Variants in BCAS3 observed in about 807,000 individuals in gnomAD.
BCAS3 encodes BCAS4/BCAS3 fusion.
In BCAS3, 53 loss-of-function variants were observed where a neutral mutation model predicts 116.1. The observed-to-expected ratio is 0.46, with a 90% CI of 0.37 to 0.57. The LOEUF (loss-of-function observed/expected upper bound fraction) is 0.57. Among genes scored for constraint, BCAS3 ranks in the 20% least tolerant of loss-of-function variants. The pLI, the probability that BCAS3 is intolerant of heterozygous loss-of-function variation, is 0.00. For synonymous variants in BCAS3, 391 were observed against 408.2 expected (o/e 0.96, Z 0.51); for missense variants, 917 against 1,165.4 (o/e 0.79, Z 3.10).
chr17:61,047,398 T>G (rs2068452671), intron 19 of BCAS3, among the ~76,000 whole-genome samples: 1 of 152,034 alleles, frequency 6.6e-6, no homozygotes, highest in East Asian at 1.9e-4. Context: ...ACAGATTAAT[T>G]TATATATGCC....
Position 61,034,888 on chromosome 17 carries a change from G to A in BCAS3, c.1762+98G>A. 1 of 1,198,816 alleles carries A rather than the reference G, an allele frequency of 8.3e-7. No homozygotes were observed. The highest frequency in any genetic ancestry group is 1.2e-6 in the Non-Finnish European group (1 of 862,132). 74.3% of individuals were successfully genotyped at this position (1,198,816 alleles called of 1,614,324 possible). On this transcript the variant is annotated intron_variant, in intron 17 of 23. Transcript: ENST00000407086. This position sits in a 1 kb window ranked among gnomAD's most constrained non-coding sequence, Gnocchi z 5.0. ...CCCTAGAATAATCTTGTACCCAGTA[G>A]TCTGGAAACCAATTTTTTTAATGTA...
At chr17:61,050,415 A>G (rs2068753590) in intron 19 of BCAS3, among the ~76,000 whole-genome samples, 1 of 152,016 alleles carries the variant, frequency 6.6e-6, no homozygotes, top group African/African-American at 2.4e-5. Flanking sequence ...ATGTGTGTAT[A>G]TATATGTGTG....
At chr17:60,958,967 T>C (rs1374684704) in intron 14 of BCAS3, among the ~76,000 whole-genome samples, 1 of 152,192 alleles carries the variant, frequency 6.6e-6, no homozygotes, top group African/African-American at 2.4e-5. Flanking sequence ...ACTATGAAGT[T>C]ATTAGAGCAC....
intron 5 of BCAS3, among the ~76,000 whole-genome samples, chr17:60,711,214 G>A (rs2037888036): frequency 1.3e-5 from 2 of 151,048 alleles, no homozygotes; most frequent in African/African-American, 4.9e-5. Context: ...GGTATGTCAT[G>A]AAATTAGAAG....
At chr17:61,040,697 G>A in intron 18 of BCAS3, 95 bp from the exon 19 acceptor site, 1 of 981,954 alleles carries the variant, frequency 1.0e-6, no homozygotes, top group Non-Finnish European at 1.6e-6. Context: ...AAAGTAGTGT[G>A]AGTTTAAGTC....
intron 13 of BCAS3, among the ~76,000 whole-genome samples, chr17:60,928,912 A>G (rs1014010738): frequency 6.6e-6 from 1 of 152,232 alleles, no homozygotes; most frequent in Non-Finnish European, 1.5e-5. Flanking sequence ...ATATACACAC[A>G]CATACATAGA....
At position 61,368,739 on chromosome 17, in the gene BCAS3, G is replaced by A. The variant is rs2058875675; in HGVS notation, c.2593+245G>A. 6.6e-6 allele frequency among the ~76,000 whole-genome samples: 1 copy of A among 152,214 alleles called. No individual in the cohort carries two copies. Among genetic ancestry groups the A allele is most frequent in the South Asian group, 2.1e-4 (1 of 4,832 alleles). On this transcript the variant is annotated intron_variant, in intron 23 of 23. Transcript: ENST00000407086. This position sits in a 1 kb window ranked among gnomAD's most constrained non-coding sequence, Gnocchi z 6.0. ...CAGGATTGCCATGATCAACACCACT[G>A]TGCAAGTGGCTCCCAGAAGGACACT...
At chr17:60,725,740 G>A (rs2039759503) in intron 5 of BCAS3, among the ~76,000 whole-genome samples, 2 of 152,314 alleles carry the variant, frequency 1.3e-5, no homozygotes, top group South Asian at 4.1e-4. Flanking sequence ...TAGTGCTGAG[G>A]TTGAAAAACC....
chr17:60,787,068 C>T (rs887118763), intron 6 of BCAS3, among the ~76,000 whole-genome samples: 15 of 151,892 alleles, frequency 9.9e-5, no homozygotes, highest in African/African-American at 3.1e-4. Flanking sequence ...TTCTCACTAC[C>T]CTAATCAGCC....
intron 7 of BCAS3, among the ~76,000 whole-genome samples, chr17:60,839,445 AC>A (rs1434531125): frequency 6.6e-6 from 1 of 152,018 alleles, no homozygotes; most frequent in African/African-American, 2.4e-5. Context: ...GATGTCACTT[AC>A]CCCTTTGTGC....
intron 10 of BCAS3, 145 bp from the exon 11 acceptor site, chr17:60,902,475 A>G: frequency 1.5e-6 from 1 of 659,948 alleles, no homozygotes. Context: ...CAAAGCTTTT[A>G]GCTGTTTGTC....
intron 19 of BCAS3, among the ~76,000 whole-genome samples, chr17:61,064,130 T>G (rs1294044839): frequency 6.6e-6 from 1 of 152,194 alleles, no homozygotes; most frequent in African/African-American, 2.4e-5. Context: ...GTCTGTTCAC[T>G]TCTTAGAAGT....
intron 22 of BCAS3, among the ~76,000 whole-genome samples, chr17:61,345,519 A>G (rs2057453730): frequency 6.6e-6 from 1 of 152,068 alleles, no homozygotes; most frequent in African/African-American, 2.4e-5. Flanking sequence ...GGAGGGAGGA[A>G]GGAAGGGAAA....
Position 61,181,198 on chromosome 17 carries a change from C to G in BCAS3, c.2425+96634C>G, listed in dbSNP as rs2079461557. ...TAGCACCACTGCACTCCATCCTGGG[C>G]AAAAGAGCAAACAAACAGTTTAATT... is the stretch of plus-strand genomic sequence containing the variant. On this transcript the variant is annotated intron_variant, in intron 22 of 23. Coordinates refer to ENST00000407086, the MANE Select transcript of BCAS3 (RefSeq NM_017679.5). The surrounding 1 kb of genome is among the most constrained non-coding windows in gnomAD (Gnocchi z 5.0). Among the ~76,000 whole-genome samples, 1 of 152,138 alleles carries G rather than the reference C, an allele frequency of 6.6e-6. No individual in the cohort carries two copies. Among genetic ancestry groups the G allele is most frequent in the Non-Finnish European group, 1.5e-5 (1 of 68,020 alleles).
At position 61,324,835 on chromosome 17, in the gene BCAS3, A is replaced by AG. The variant is rs1489712920; in HGVS notation, c.2426-43492_2426-43491insG. Among the ~76,000 whole-genome samples the AG allele has an allele frequency of 2.6e-5, 4 of 152,186 alleles. No individual in the cohort carries two copies. The highest frequency in any genetic ancestry group is 9.6e-5 in the African/African-American group (4 of 41,532). ...CCTCATCTCTATGAAAAAAAAAAAA[A>AG]AAGAAGAAACAAAAAAGAAGATGTA... On this transcript the variant is annotated intron_variant, in intron 22 of 23. Transcript: ENST00000407086. This position sits in a 1 kb window ranked among gnomAD's most constrained non-coding sequence, Gnocchi z 4.6.
intron 14 of BCAS3, among the ~76,000 whole-genome samples, chr17:60,980,080 C>G (rs2062698738): frequency 6.6e-6 from 1 of 152,066 alleles, no homozygotes. Flanking sequence ...GGTACCAGTT[C>G]CTCCTTGTAC....
chr17:61,107,375 G>A (rs1485539649), intron 22 of BCAS3, among the ~76,000 whole-genome samples: 1 of 152,060 alleles, frequency 6.6e-6, no homozygotes, highest in Non-Finnish European at 1.5e-5. Flanking sequence ...GTGAGCCACT[G>A]TGCCTGGCCA....
At chr17:61,271,288 C>G (rs1013235859) in intron 22 of BCAS3, among the ~76,000 whole-genome samples, 3 of 149,436 alleles carry the variant, frequency 2.0e-5, no homozygotes, top group Admixed American at 6.7e-5. Flanking sequence ...CCACCACGCC[C>G]GACTAGTTTT....
rs537999015 is a variant in BCAS3, at chr17:61,107,860, C to A, written c.2425+23296C>A. ...TCATGTAGATAAAAGAAGTTTCATT[C>A]CACTGAGCTAAAGGCCCACAAGCAC... is the stretch of plus-strand genomic sequence containing the variant. On this transcript the variant is annotated intron_variant, in intron 22 of 23. Coordinates refer to ENST00000407086, the MANE Select transcript of BCAS3 (RefSeq NM_017679.5). 5.3e-5 allele frequency among the ~76,000 whole-genome samples: 8 copies of A among 152,310 alleles called. No individual in the cohort carries two copies. The South Asian group carries it at 1.7e-3, about 32-fold the overall frequency.
Sources: gnomAD v4.1 joint callset for allele counts (sites outside exome capture counted in the v4.1 genomes callset) on GRCh38, gnomAD v4.1.1 for gene constraint, Gnocchi (gnomAD v3.1) non-coding constraint, MANE v1.5 for transcripts, NCBI Gene and HGNC (gene_info 2026-07-23, HGNC 2026-07-21) for gene names.